SHOX2: variants seen among roughly 807,000 people sequenced by gnomAD.
The protein encoded by SHOX2 is SHOX homeobox 2, also known as short stature homeobox protein 2.
Under a neutral mutation model 31.3 loss-of-function variants are expected in SHOX2, and 13 were observed. That is an observed-to-expected ratio of 0.42 (90% CI 0.27 to 0.66). The LOEUF (loss-of-function observed/expected upper bound fraction) is 0.66. Among genes scored for constraint, SHOX2 ranks in the 30% least tolerant of loss-of-function variants. The pLI is 0.27. For synonymous variants in SHOX2, 244 were observed against 196.2 expected (o/e 1.24, Z -2.04); for missense variants, 473 against 443.0 (o/e 1.07, Z -0.61).
chr3:158,105,598 G>A (rs1713847946), intron 1 of SHOX2, 81 bp downstream of exon 1: 2 of 1,292,780 alleles, frequency 1.5e-6, no homozygotes, highest in South Asian at 2.6e-5. Context: ...CTCCCCGCTG[G>A]GCCTCGGAGT....
At chr3:158,100,372 A>G (rs954020689) in intron 2 of SHOX2, 61 bp from the exon 3 acceptor site, 64 of 1,278,624 alleles carry the variant, frequency 5.0e-5, no homozygotes, top group Non-Finnish European at 6.8e-5. Context: ...ATTTTTTTAA[A>G]TTACAAAAGT....
intron 2 of SHOX2, 143 bp downstream of exon 2, chr3:158,102,535 A>T: frequency 1.5e-6 from 1 of 657,194 alleles, no homozygotes; most frequent in Non-Finnish European, 2.6e-6. Flanking sequence ...TTGGAAAATA[A>T]GACCTCTAGT....
Position 158,105,704 on chromosome 3 carries a change from C to A in SHOX2, c.321G>T (p.Glu107Asp). The change falls in exon 1 of 5, where the codon GAG becomes GAT. Residue 107 changes from glutamate (E) to aspartate (D), a missense_variant. Coordinates refer to ENST00000483851, the MANE Select transcript of SHOX2 (RefSeq NM_001163678.2). ...LDMGAAERSR[E>D]PGSPRLTEVS... ...CCTCCGTCAGTCGCGGGCTGCCCGG[C>A]TCCCTGCTTCTCTCGGCGGCGCCCA... 6.6e-7 allele frequency: 1 copy of A among 1,523,470 alleles called. No individual in the cohort carries two copies. The highest frequency in any genetic ancestry group is 2.8e-5 in the East Asian group (1 of 36,322). The allele number at this position is 1,523,470 out of a possible 1,614,324, so 94.4% of individuals were successfully genotyped here. A position where few individuals can be genotyped will look rare whatever the true frequency, so the allele number is the denominator to read the frequency against.
rs1464476737 is a variant in SHOX2 at position 158,096,887 on chromosome 3, CAAATATATATATATATATATAT to C, written c.*1118_*1139del. On this transcript the variant is annotated 3_prime_UTR_variant, in exon 5 of 5. Transcript: ENST00000483851. ...TTGTTCCCCAGGATCAAAGACAGGGCAAATATATATATATATATATATATATATATATATATATATATATGGC... is the reference window on the plus strand; with the variant it reads ...TTGTTCCCCAGGATCAAAGACAGGGCATATATATATATATATATATATGGC... The C allele has an allele frequency of 6.6e-3, 99 of 14,982 alleles. 2 individuals carry two copies. Among genetic ancestry groups the C allele is most frequent in the African/African-American group, 0.024 (97 of 3,974 alleles). 0.9% of individuals were successfully genotyped at this position (14,982 alleles called of 1,614,324 possible). A position where few individuals can be genotyped will look rare whatever the true frequency, so the allele number is the denominator to read the frequency against.
Position 158,100,242 on chromosome 3 carries a change from TA to T in SHOX2, c.613+11del. On this transcript the variant is annotated intron_variant, in intron 3 of 4. Coordinates refer to ENST00000483851, the MANE Select transcript of SHOX2 (RefSeq NM_001163678.2). ...CTCAGACTATCAAATGTTCCTTGTA[TA>T]AGAAGCATACCTTTATGGAGTTGAT... is the stretch of plus-strand genomic sequence containing the variant. The T allele has an allele frequency of 6.4e-7, 1 of 1,572,064 alleles. No homozygotes were observed. The highest frequency in any genetic ancestry group is 8.6e-7 in the Non-Finnish European group (1 of 1,156,774).
chr3:158,100,917 T>G (rs1713451030), intron 2 of SHOX2, among the ~76,000 whole-genome samples: 1 of 152,210 alleles, frequency 6.6e-6, no homozygotes, highest in Non-Finnish European at 1.5e-5. Context: ...TGTTTGCAGT[T>G]AGGATAGTAG....
In SHOX2 at chr3:158,098,227, G is replaced by C. The variant is rs142921456; in HGVS notation, c.760C>G (p.Pro254Ala). 21 of 1,613,852 alleles carry C rather than the reference G, an allele frequency of 1.3e-5. No individual in the cohort carries two copies. Among genetic ancestry groups the C allele is most frequent in the Middle Eastern group, 1.6e-4 (1 of 6,082 alleles). ...TAGGGCGCGTGCGCGGCCAGGTGCG[G>C]ATGCAGGTGGTGGTGCGCGTGCGCC... ...AVAHAHHHLHPHLAAHAPYMM... is the reference protein window; with the variant it reads ...AVAHAHHHLHAHLAAHAPYMM... The change falls in exon 5 of 5, where the codon CCG becomes GCG. Residue 254 changes from proline (P) to alanine (A), a missense_variant. Around this residue, in one of 3 missense-constraint regions of SHOX2, gnomAD observed 182 missense variants for 167.2 expected, o/e 1.09. Coordinates refer to ENST00000483851, the MANE Select transcript of SHOX2 (RefSeq NM_001163678.2).
rs752648937 is a variant in SHOX2 at position 158,099,952 on chromosome 3, T to C, written c.614-4A>G. On this transcript the variant is annotated splice_region_variant and splice_polypyrimidine_tract_variant and intron_variant, in intron 3 of 4. Coordinates refer to ENST00000483851, the MANE Select transcript of SHOX2 (RefSeq NM_001163678.2). ...CTGGCGGCCCCTATGAGAACACCTG[T>C]AAAAAGTACAAGAGAAAAATAATGT... is the stretch of plus-strand genomic sequence containing the variant. The C allele has an allele frequency of 1.9e-6, 3 of 1,612,464 alleles. No homozygotes were observed. Among genetic ancestry groups the C allele is most frequent in the Non-Finnish European group, 2.5e-6 (3 of 1,178,510 alleles).
rs1021318890 is a variant in SHOX2 at position 158,098,095 on chromosome 3, T to C, written c.892A>G (p.Ser298Gly). Residue 298 changes from serine to glycine, a missense_variant, in exon 5 of 5, where the codon AGC becomes GGC. This residue lies in a region of SHOX2 where 182 missense variants were observed against 167.2 expected (regional missense o/e 1.09). Coordinates refer to ENST00000483851, the MANE Select transcript of SHOX2 (RefSeq NM_001163678.2). Reference sequence around the variant, plus strand: ...AGATCGGCGATGCTGGAGTTCTTGCTGGTGGTCTTGGCGGCTGCTGCGGCC... The same window carrying C: ...AGATCGGCGATGCTGGAGTTCTTGCCGGTGGTCTTGGCGGCTGCTGCGGCC... ...VAAAAAAKTTSKNSSIADLRL... is the reference protein window; with the variant it reads ...VAAAAAAKTTGKNSSIADLRL... The C allele has an allele frequency of 3.7e-6, 6 of 1,612,622 alleles. No homozygotes were observed. Among genetic ancestry groups the C allele is most frequent in the African/African-American group, 1.3e-5 (1 of 74,986 alleles).
Position 158,106,285 on chromosome 3 carries a change from G to A in SHOX2, c.-261C>T. ...GAGGGGGAGAAGGGTGAAGAGGAGA[G>A]GGAGGAGGAGGAGGAGAAGAGAAGG... On this transcript the variant is annotated 5_prime_UTR_variant, in exon 1 of 5. Coordinates refer to ENST00000483851, the MANE Select transcript of SHOX2 (RefSeq NM_001163678.2). The A allele has an allele frequency of 2.0e-6, 1 of 501,902 alleles. No homozygotes were observed. Among genetic ancestry groups the A allele is most frequent in the Non-Finnish European group, 3.4e-6 (1 of 291,564 alleles). 31.1% of individuals were successfully genotyped at this position (501,902 alleles called of 1,614,324 possible). A position where few individuals can be genotyped will look rare whatever the true frequency, so the allele number is the denominator to read the frequency against.
intron 2 of SHOX2, among the ~76,000 whole-genome samples, chr3:158,102,150 A>G (rs970710728): frequency 2.0e-5 from 3 of 152,252 alleles, no homozygotes; most frequent in African/African-American, 7.2e-5. Context: ...CGCTAACAGC[A>G]GACTGTAAAT....
Position 158,106,356 on chromosome 3 carries a change from G to A in SHOX2, c.-332C>T, listed in dbSNP as rs1248137440. The A allele has an allele frequency of 5.3e-6, 2 of 374,148 alleles. No homozygotes were observed. Among genetic ancestry groups the A allele is most frequent in the Non-Finnish European group, 9.7e-6 (2 of 205,804 alleles). The allele number at this position is 374,148 out of a possible 1,614,324, so 23.2% of individuals were successfully genotyped here. On this transcript the variant is annotated 5_prime_UTR_variant, in exon 1 of 5. Coordinates refer to ENST00000483851, the MANE Select transcript of SHOX2 (RefSeq NM_001163678.2). ...AATGGGAACTGATGCTTCCCTGCCG[G>A]AGCGCGCTTGTTCAATGTTAAGATC... is the stretch of plus-strand genomic sequence containing the variant.
chr3:158,103,283 T>G, intron 1 of SHOX2: 2 of 303,024 alleles, frequency 6.6e-6, no homozygotes, highest in Non-Finnish European at 1.3e-5. Flanking sequence ...GCGCCAGGCC[T>G]CTCACAGAGC....
In SHOX2 at chr3:158,105,856, G is replaced by C. The variant is rs780921313; in HGVS notation, c.169C>G (p.Arg57Gly). ...CCGCCGCCGCCTCCGCCGGCCGCCC[G>C]GACTGCCGGGCTGCTGCGGTCGTCG... ...GRDDRSSPAV[R>G]AAGGGGGGGG... Residue 57 changes from arginine to glycine, a missense_variant, in exon 1 of 5, where the codon CGG (arginine) becomes GGG (glycine). By Grantham distance (125) the Arg-to-Gly change is moderately radical. Transcript: ENST00000483851. 6.9e-7 allele frequency: 1 copy of C among 1,451,236 alleles called. No individual in the cohort carries two copies. The highest frequency in any genetic ancestry group is 9.0e-7 in the Non-Finnish European group (1 of 1,107,108). The allele number at this position is 1,451,236 out of a possible 1,614,324, so 89.9% of individuals were successfully genotyped here.
At chr3:158,105,385 C>T (rs1376881023) in intron 1 of SHOX2, 2 of 593,254 alleles carry the variant, frequency 3.4e-6, no homozygotes, top group African/African-American at 3.7e-5. Flanking sequence ...GCGGGCCCAT[C>T]CTCCCGCTGG....
chr3:158,100,787 C>T lies in SHOX2; in HGVS notation c.556-476G>A, dbSNP rs186795322. On this transcript the variant is annotated intron_variant, in intron 2 of 4. Coordinates refer to ENST00000483851, the MANE Select transcript of SHOX2 (RefSeq NM_001163678.2). ...GGAGAGGTAATTAGTGTCATAAAAG[C>T]CTCACTACAAAGAAGTTTAGAATTT... Among the ~76,000 whole-genome samples the T allele has an allele frequency of 2.6e-5, 4 of 152,292 alleles. No individual in the cohort carries two copies. In the East Asian group the frequency reaches 7.7e-4, roughly 29 times the overall value.
chr3:158,103,250 C>A, intron 1 of SHOX2: 2 of 341,414 alleles, frequency 5.9e-6, no homozygotes, highest in South Asian at 2.6e-5. Context: ...TGCTCCGCAG[C>A]ACTCACAGAA....
At chr3:158,105,073 C>T (rs1578081536) in intron 1 of SHOX2, 39 of 1,354,124 alleles carry the variant, frequency 2.9e-5, no homozygotes, top group Non-Finnish European at 3.6e-5. Flanking sequence ...AACCGAAACG[C>T]CTCGCCCGGG....
intron 1 of SHOX2, chr3:158,104,265 T>C (rs1420600495): frequency 6.6e-6 from 1 of 152,292 alleles, no homozygotes; most frequent in Non-Finnish European, 1.5e-5. Flanking sequence ...TTCGGGCCTG[T>C]AGTTGTGGAC....
Sources: gnomAD v4.1 joint callset for allele counts (sites outside exome capture counted in the v4.1 genomes callset) on GRCh38, gnomAD v4.1.1 for gene constraint, gnomAD v4.1.1 regional missense constraint, MANE v1.5 for transcripts, NCBI Gene and HGNC (gene_info 2026-07-23, HGNC 2026-07-21) for gene names.